Variants in SLC17A8 observed in about 807,000 individuals in gnomAD.
The protein encoded by SLC17A8 is vesicular glutamate transporter 3.
In SLC17A8, 31 loss-of-function variants were observed where a neutral mutation model predicts 58.0. The observed-to-expected ratio is 0.53, with a 90% CI of 0.40 to 0.72. SLC17A8 has a LOEUF of 0.72. Among genes scored for constraint, SLC17A8 ranks in the 30% least tolerant of loss-of-function variants. The pLI is 0.00. For synonymous variants in SLC17A8, 228 were observed against 249.0 expected, an observed-to-expected ratio of 0.92 and a Z score of 0.79; for missense variants, 655 against 727.8, an observed-to-expected ratio of 0.90 and a Z score of 1.15.
intron 9 of SLC17A8, among the ~76,000 whole-genome samples, chr12:100,409,590 T>C (rs993849799): frequency 1.3e-5 from 2 of 152,160 alleles, no homozygotes; most frequent in Non-Finnish European, 2.9e-5. Flanking sequence ...CAAAGCAATA[T>C]TGAAAAGTTC....
Position 100,380,891 on chromosome 12 carries a change from G to GT in SLC17A8, c.294dup (p.Ala99CysfsTer9). On this transcript the variant is annotated frameshift_variant, in exon 2 of 12. Coordinates refer to ENST00000323346, the MANE Select transcript of SLC17A8 (RefSeq NM_139319.3). LOFTEE classifies it high-confidence loss of function. ...CTTTGGGATCCGGTGCAATCTTGGA[G>GT]TTGCCATTGTGGAAATGGTCAACAA... 1 of 1,614,156 alleles carries GT rather than the reference G, an allele frequency of 6.2e-7. No homozygotes were observed. Among genetic ancestry groups the GT allele is most frequent in the Non-Finnish European group, 8.5e-7 (1 of 1,180,030 alleles).
chr12:100,410,162 C>T (rs1313814054), intron 9 of SLC17A8, among the ~76,000 whole-genome samples: 1 of 151,934 alleles, frequency 6.6e-6, no homozygotes, highest in African/African-American at 2.4e-5. Context: ...AAGTTGGAGA[C>T]CAGCCTGGCC....
chr12:100,374,277 G>A (rs1252032689), intron 1 of SLC17A8, among the ~76,000 whole-genome samples: 1 of 152,098 alleles, frequency 6.6e-6, no homozygotes, highest in African/African-American at 2.4e-5. Flanking sequence ...CTGTGAGCTA[G>A]GCTATACAAG....
chr12:100,366,075 T>C (rs1018582150), intron 1 of SLC17A8, among the ~76,000 whole-genome samples: 26 of 93,944 alleles, frequency 2.8e-4, no homozygotes, highest in Admixed American at 3.5e-4. Flanking sequence ...TTTTTTTTTT[T>C]CAGGGGGTAG....
intron 1 of SLC17A8, among the ~76,000 whole-genome samples, chr12:100,361,377 G>T (rs765945815): frequency 6.6e-6 from 1 of 152,166 alleles, no homozygotes; most frequent in Non-Finnish European, 1.5e-5. Flanking sequence ...CCCGGCTTTC[G>T]CCCTGTTTCT....
chr12:100,401,121 C>T (rs1460053265), intron 5 of SLC17A8, among the ~76,000 whole-genome samples: 1 of 151,508 alleles, frequency 6.6e-6, no homozygotes, highest in Non-Finnish European at 1.5e-5. Context: ...CCTCAGCCGC[C>T]CAAGTAGCTG....
intron 1 of SLC17A8, among the ~76,000 whole-genome samples, chr12:100,359,577 T>A (rs527686816): frequency 2.6e-5 from 4 of 152,312 alleles, no homozygotes; most frequent in Non-Finnish European, 5.9e-5. Flanking sequence ...AATTGTAGAA[T>A]GGCTTTAGAA....
chr12:100,383,730 C>G (rs546852037), intron 2 of SLC17A8, among the ~76,000 whole-genome samples: 5 of 147,240 alleles, frequency 3.4e-5, no homozygotes, highest in Non-Finnish European at 7.5e-5. Flanking sequence ...TTTTTTGAAA[C>G]GGGATCTCTG....
At chr12:100,418,221 G>T in intron 11 of SLC17A8, 65 bp downstream of exon 11, 1 of 1,604,072 alleles carries the variant, frequency 6.2e-7, no homozygotes, top group Admixed American at 1.7e-5. Context: ...ACAAACTTGA[G>T]ATTTCAAGGC....
At chr12:100,385,585 C>T (rs7316068) in intron 2 of SLC17A8, among the ~76,000 whole-genome samples, 18 of 151,910 alleles carry the variant, frequency 1.2e-4, no homozygotes, top group East Asian at 1.2e-3. Flanking sequence ...GGTAGTCAGT[C>T]GGGGAGAATC....
Position 100,403,862 on chromosome 12 carries a change from G to A in SLC17A8, c.1054-176G>A, listed in dbSNP as rs141130125. Among the ~76,000 whole-genome samples the A allele has an allele frequency of 1.1e-3, 172 of 152,202 alleles. 2 individuals carry two copies. The highest frequency in any genetic ancestry group is 6.8e-3 in the East Asian group (35 of 5,170). On this transcript the variant is annotated intron_variant, in intron 8 of 11. Transcript: ENST00000323346. The stretch of plus-strand genomic sequence containing the variant: ...GACACAGATAGGTCTAAAATCATTC[G>A]CTCATTCATCATTTATTTATTATGA...
chr12:100,394,754 A>C (rs1952740840), intron 4 of SLC17A8, among the ~76,000 whole-genome samples: 1 of 147,590 alleles, frequency 6.8e-6, no homozygotes, highest in African/African-American at 2.5e-5. Flanking sequence ...ATTATATATA[A>C]ATTTAATTAT....
At chr12:100,393,601 T>C in intron 4 of SLC17A8, 118 bp downstream of exon 4, 1 of 740,280 alleles carries the variant, frequency 1.4e-6, no homozygotes, top group Non-Finnish European at 2.4e-6. Flanking sequence ...TTCTTCCTTT[T>C]CCTGCTGTTT....
chr12:100,397,797 G>C (rs143183509), intron 5 of SLC17A8, among the ~76,000 whole-genome samples: 12 of 152,040 alleles, frequency 7.9e-5, no homozygotes, highest in African/African-American at 2.4e-4. Flanking sequence ...CAAAAAATTA[G>C]CTGGGTGCGG....
At chr12:100,405,010 G>A (rs1952817182) in intron 9 of SLC17A8, among the ~76,000 whole-genome samples, 1 of 152,216 alleles carries the variant, frequency 6.6e-6, no homozygotes, top group Non-Finnish European at 1.5e-5. Context: ...GTGATATTAA[G>A]TTGAAAGGGA....
At chr12:100,381,401 G>GTT (rs144070789) in intron 2 of SLC17A8, among the ~76,000 whole-genome samples, 2,313 of 152,266 alleles carry the variant, frequency 0.015, 67 homozygotes, top group African/African-American at 0.052. Flanking sequence ...TAGGTGCCAC[G>GTT]TTGGAGGTAC....
intron 1 of SLC17A8, among the ~76,000 whole-genome samples, chr12:100,370,023 T>C (rs1160313652): frequency 1.3e-5 from 2 of 152,214 alleles, no homozygotes; most frequent in African/African-American, 2.4e-5. Flanking sequence ...TCTTCAGATT[T>C]TTCAAAATGA....
At chr12:100,419,794 G>T (rs754819365) in intron 11 of SLC17A8, 21 bp from the exon 12 acceptor site, 4 of 1,607,512 alleles carry the variant, frequency 2.5e-6, no homozygotes, top group Non-Finnish European at 3.4e-6. Flanking sequence ...ACATTAATTG[G>T]CACTTTATTT....
Position 100,418,051 on chromosome 12 carries a change from C to T in SLC17A8, c.1320C>T (p.Asp440=). ...AISGFNVNHL[D]IAPRYASILM... ...TAGGTTTTAATGTCAACCACCTGGA[C>T]ATTGCCCCACGCTATGCCAGCATTC... Residue 440 remains aspartate, a synonymous_variant, in exon 11 of 12, where the codon GAC becomes GAT. Transcript: ENST00000323346. 6.2e-7 allele frequency: 1 copy of T among 1,614,218 alleles called. No individual in the cohort carries two copies. Among genetic ancestry groups the T allele is most frequent in the East Asian group, 2.2e-5 (1 of 44,884 alleles).
Sources: allele counts gnomAD v4.1 joint callset (sites outside exome capture counted in the v4.1 genomes callset), GRCh38; gene constraint gnomAD v4.1.1; transcripts MANE v1.5; gene names NCBI Gene and HGNC (gene_info 2026-07-23, HGNC 2026-07-21).